The following SGCZ variants were observed in gnomAD, a reference collection of about 807,000 sequenced individuals.
SGCZ encodes the protein zeta-sarcoglycan.
In SGCZ, 40 loss-of-function variants were observed where a neutral mutation model predicts 41.3. That is an observed-to-expected ratio of 0.97 (90% CI 0.75 to 1.26). The LOEUF is 1.26. Among genes scored for constraint, SGCZ ranks in the 50% most tolerant of loss-of-function variants. SGCZ has a pLI of 0.00. For missense variants in SGCZ, 552 were observed against 369.8 expected, an observed-to-expected ratio of 1.49 and a Z score of -4.04; for synonymous variants, 206 against 137.5, an observed-to-expected ratio of 1.50 and a Z score of -3.49.
chr8:15,181,805 A>G (rs535655958), intron 1 of SGCZ, among the ~76,000 whole-genome samples: 1 of 152,322 alleles, frequency 6.6e-6, no homozygotes, highest in Non-Finnish European at 1.5e-5. Flanking sequence ...AATAACAGAT[A>G]AAAATTTATA....
chr8:15,184,887 A>C (rs1800290142), intron 1 of SGCZ, among the ~76,000 whole-genome samples: 1 of 152,084 alleles, frequency 6.6e-6, no homozygotes, highest in Non-Finnish European at 1.5e-5. Context: ...TCACTTTATT[A>C]AATTCCCACC....
intron 4 of SGCZ, among the ~76,000 whole-genome samples, chr8:14,213,557 CT>C (rs1442247317): frequency 6.6e-6 from 1 of 151,752 alleles, no homozygotes; most frequent in African/African-American, 2.4e-5. Flanking sequence ...TTAAAGGAAA[CT>C]TTCCAAACAG....
At chr8:14,374,580 A>AACGCAG (rs57503773) in intron 2 of SGCZ, among the ~76,000 whole-genome samples, 1 of 151,614 alleles carries the variant, frequency 6.6e-6, no homozygotes, top group Non-Finnish European at 1.5e-5. Flanking sequence ...GGTTGAGAAG[A>AACGCAG]ATGTATTACA....
chr8:14,646,687 T>C (rs747639261), intron 1 of SGCZ, among the ~76,000 whole-genome samples: 3 of 151,970 alleles, frequency 2.0e-5, no homozygotes, highest in Admixed American at 6.6e-5. Flanking sequence ...AAGTATTTTG[T>C]CTAAAAGTTG....
At chr8:15,148,228 C>T (rs1175882094) in intron 1 of SGCZ, among the ~76,000 whole-genome samples, 1 of 152,176 alleles carries the variant, frequency 6.6e-6, no homozygotes, top group Non-Finnish European at 1.5e-5. Flanking sequence ...AAACAATTCA[C>T]TCTCTCTTGG....
At chr8:14,171,654 G>A (rs1349550406) in intron 4 of SGCZ, among the ~76,000 whole-genome samples, 1 of 151,932 alleles carries the variant, frequency 6.6e-6, no homozygotes, top group Non-Finnish European at 1.5e-5. Flanking sequence ...CATTTTAAAT[G>A]GAGAATGTAT....
chr8:14,987,751 T>G (rs546144818), intron 1 of SGCZ, among the ~76,000 whole-genome samples: 1 of 152,012 alleles, frequency 6.6e-6, no homozygotes, highest in African/African-American at 2.4e-5. Context: ...ACACTTTTAA[T>G]TTGAAGTTGT....
At chr8:14,324,373 A>G (rs1802023440) in intron 2 of SGCZ, among the ~76,000 whole-genome samples, 169 bp from the exon 3 acceptor site, 1 of 152,128 alleles carries the variant, frequency 6.6e-6, no homozygotes, top group Non-Finnish European at 1.5e-5. Flanking sequence ...TTGCATGCAT[A>G]TAGAGGGCTC....
chr8:14,293,772 T>C (rs1800922400), intron 3 of SGCZ, among the ~76,000 whole-genome samples: 1 of 151,904 alleles, frequency 6.6e-6, no homozygotes, highest in Non-Finnish European at 1.5e-5. Flanking sequence ...TTAAGCATTT[T>C]CCAACTTTGT....
intron 2 of SGCZ, 96 bp downstream of exon 2, chr8:14,554,636 T>C (rs1031634961): frequency 3.0e-5 from 29 of 977,214 alleles, no homozygotes; most frequent in Non-Finnish European, 3.8e-5. Context: ...CTTGTAAATA[T>C]TGATATGAAT....
At chr8:14,567,942 C>T (rs906699600) in intron 1 of SGCZ, among the ~76,000 whole-genome samples, 4 of 152,178 alleles carry the variant, frequency 2.6e-5, no homozygotes, top group Admixed American at 6.5e-5. Flanking sequence ...CTGGACATGC[C>T]GCTTTTAAGA....
intron 3 of SGCZ, among the ~76,000 whole-genome samples, chr8:14,285,024 T>C (rs980920805): frequency 6.6e-6 from 1 of 152,190 alleles, no homozygotes; most frequent in African/African-American, 2.4e-5. Context: ...CCCTCTTTTA[T>C]ATTGGACAGA....
At chr8:15,065,418 T>A (rs1037645988) in intron 1 of SGCZ, among the ~76,000 whole-genome samples, 1,915 of 62,676 alleles carry the variant, frequency 0.031, 16 homozygotes, top group Non-Finnish European at 0.037. Context: ...GTATTGTAAT[T>A]ATTATTATTA....
chr8:14,276,818 A>T (rs138431332), intron 3 of SGCZ, among the ~76,000 whole-genome samples: 5 of 152,166 alleles, frequency 3.3e-5, no homozygotes, highest in African/African-American at 4.8e-5. Flanking sequence ...CACTTCAGCT[A>T]TTACAGGAAA....
chr8:14,202,527 G>C (rs891884189), intron 4 of SGCZ, among the ~76,000 whole-genome samples: 2 of 151,404 alleles, frequency 1.3e-5, no homozygotes, highest in South Asian at 2.1e-4. Context: ...TTCATACTTG[G>C]ATAATTTTTT....
At chr8:15,040,637 T>C (rs1399231720) in intron 1 of SGCZ, among the ~76,000 whole-genome samples, 1 of 152,078 alleles carries the variant, frequency 6.6e-6, no homozygotes, top group African/African-American at 2.4e-5. Flanking sequence ...AAAAAAGTGA[T>C]TTCACTTCCA....
At chr8:14,311,227 C>T (rs894057443) in intron 3 of SGCZ, among the ~76,000 whole-genome samples, 1 of 152,010 alleles carries the variant, frequency 6.6e-6, no homozygotes, top group Non-Finnish European at 1.5e-5. Flanking sequence ...AAAATATTGT[C>T]ACTAGTAATT....
At chr8:15,197,892 A>C (rs1044545876) in intron 1 of SGCZ, among the ~76,000 whole-genome samples, 1 of 151,540 alleles carries the variant, frequency 6.6e-6, no homozygotes, top group Non-Finnish European at 1.5e-5. Context: ...ATATACACAC[A>C]CACACACATT....
At chr8:14,796,642 C>G (rs952062454) in intron 1 of SGCZ, among the ~76,000 whole-genome samples, 4 of 152,168 alleles carry the variant, frequency 2.6e-5, no homozygotes, top group South Asian at 2.1e-4. Flanking sequence ...CTGACACTCT[C>G]TACTTATTTT....
Sources: allele counts gnomAD v4.1 joint callset (sites outside exome capture counted in the v4.1 genomes callset), GRCh38; gene constraint gnomAD v4.1.1; transcripts MANE v1.5; gene names NCBI Gene and HGNC (gene_info 2026-07-23, HGNC 2026-07-21).